Variants in FABP6 observed in about 807,000 individuals in gnomAD.
FABP6 encodes the protein gastrotropin.
Under a neutral mutation model 14.9 loss-of-function variants are expected in FABP6, and 13 were observed. That is an observed-to-expected ratio of 0.87 (90% CI 0.57 to 1.39). FABP6 has a LOEUF of 1.39. Among genes scored for constraint, FABP6 ranks in the 40% most tolerant of loss-of-function variants. FABP6 has a pLI of 0.00. For missense variants in FABP6, 161 were observed against 167.2 expected (o/e 0.96, Z 0.20); for synonymous variants, 75 against 63.6 (o/e 1.18, Z -0.85).
upstream of FABP6, chr5:160,229,315 C>T (rs1017199051): frequency 4.3e-5 from 35 of 805,028 alleles, no homozygotes; most frequent in Non-Finnish European, 6.2e-5. Context: ...CATCCTGACC[C>T]TGCTGGCAAT....
chr5:160,235,538 G>A (rs375220094), intron 3 of FABP6, among the ~76,000 whole-genome samples: 5 of 152,180 alleles, frequency 3.3e-5, no homozygotes, highest in African/African-American at 4.8e-5. Context: ...TTGCTTTCCC[G>A]TGGGTCTCCA....
chr5:160,188,539 G>A (rs1202808737), intron 1 of FABP6, among the ~76,000 whole-genome samples: 2 of 152,134 alleles, frequency 1.3e-5, no homozygotes, highest in Non-Finnish European at 2.9e-5. Flanking sequence ...GCTGGGGAGA[G>A]GCCGCCGCCG....
In FABP6 at chr5:160,238,708, A is replaced by G. The variant is rs1340972305; in HGVS notation, c.*49A>G. 7 of 1,573,648 alleles carry G rather than the reference A, an allele frequency of 4.4e-6. No individual in the cohort carries two copies. Among genetic ancestry groups the G allele is most frequent in the African/African-American group, 4.0e-5 (3 of 74,214 alleles). ...CTACAAACCCACCAATAAAACTGAT[A>G]TAAGGACAGACGCTGCTCGCTCCAG... On this transcript the variant is annotated 3_prime_UTR_variant, in exon 4 of 4. Transcript: ENST00000402432.
chr5:160,200,378 G>A (rs1322633232), intron 2 of FABP6, among the ~76,000 whole-genome samples: 3 of 151,788 alleles, frequency 2.0e-5, no homozygotes, highest in African/African-American at 7.3e-5. Context: ...GCAGGGAACA[G>A]CAGAGGATGC....
chr5:160,229,253 G>A (rs1021884049), upstream of FABP6, among the ~76,000 whole-genome samples: 5 of 152,130 alleles, frequency 3.3e-5, no homozygotes, highest in Admixed American at 1.3e-4. Context: ...CAGGGCATGC[G>A]GGAACGGAGG....
At chr5:160,226,187 T>A (rs6898873), upstream of FABP6, among the ~76,000 whole-genome samples, 22,729 of 151,628 alleles carry the variant, frequency 0.15, 1,810 homozygotes, top group Middle Eastern at 0.2. Context: ...ATAAATTAAT[T>A]AATTAATAAA....
intron 2 of FABP6, among the ~76,000 whole-genome samples, chr5:160,210,370 C>G (rs544269661): frequency 1.3e-5 from 2 of 152,310 alleles, no homozygotes; most frequent in Non-Finnish European, 2.9e-5. Flanking sequence ...GATAACCTAT[C>G]AGTGACTGCT....
At chr5:160,197,865 TCTGTCC>T (rs1249887839) in intron 1 of FABP6, 1 of 152,566 alleles carries the variant, frequency 6.6e-6, no homozygotes, top group African/African-American at 2.4e-5. Flanking sequence ...GCTCCTCTGC[TCTGTCC>T]CTGGAGACCG....
At chr5:160,194,707 C>T (rs1759475955) in intron 1 of FABP6, among the ~76,000 whole-genome samples, 1 of 152,116 alleles carries the variant, frequency 6.6e-6, no homozygotes, top group Non-Finnish European at 1.5e-5. Flanking sequence ...CCAGTGTCCA[C>T]CTCCTTACCT....
chr5:160,222,315 A>G (rs149213496), intron 3 of FABP6, among the ~76,000 whole-genome samples: 50 of 151,624 alleles, frequency 3.3e-4, no homozygotes, highest in African/African-American at 1.2e-3. Flanking sequence ...GTCTCTTCCT[A>G]CATTTTCTTT....
At chr5:160,188,730 C>A (rs1438263535) in intron 1 of FABP6, among the ~76,000 whole-genome samples, 1 of 152,242 alleles carries the variant, frequency 6.6e-6, no homozygotes, top group Non-Finnish European at 1.5e-5. Flanking sequence ...CAGATTGCCT[C>A]CTGTCTCTGG....
At chr5:160,238,500 C>A in intron 3 of FABP6, 106 bp from the exon 4 acceptor site, 1 of 946,200 alleles carries the variant, frequency 1.1e-6, no homozygotes, top group Non-Finnish European at 1.7e-6. Context: ...GCGCCTGACT[C>A]TTATCTACTC....
At chr5:160,210,134 G>C in intron 2 of FABP6, among the ~76,000 whole-genome samples, 1 of 152,100 alleles carries the variant, frequency 6.6e-6, no homozygotes, top group Middle Eastern at 3.4e-3. Context: ...ATGTGATCTA[G>C]GTGGAAGCAT....
upstream of FABP6, chr5:160,228,598 A>G (rs1760302269): frequency 2.2e-5 from 10 of 452,916 alleles, no homozygotes; most frequent in Non-Finnish European, 4.0e-5. Flanking sequence ...AACCCCTTCC[A>G]GCTCTGAAGC....
chr5:160,193,329 G>C (rs1017964315), intron 1 of FABP6, among the ~76,000 whole-genome samples: 1 of 152,210 alleles, frequency 6.6e-6, no homozygotes, highest in East Asian at 1.9e-4. Flanking sequence ...AGACTTTCAC[G>C]GTAAGTGTTA....
At chr5:160,237,171 G>C (rs1760535315) in intron 3 of FABP6, among the ~76,000 whole-genome samples, 1 of 152,074 alleles carries the variant, frequency 6.6e-6, no homozygotes, top group African/African-American at 2.4e-5. Flanking sequence ...AAGCTCCCCA[G>C]CCTGTGAGGT....
intron 1 of FABP6, among the ~76,000 whole-genome samples, chr5:160,190,972 C>A (rs1759381969): frequency 1.3e-5 from 2 of 148,572 alleles, no homozygotes; most frequent in South Asian, 4.2e-4. Context: ...AAAAAATTAG[C>A]CAGCGTGGTG....
chr5:160,237,549 C>T (rs937754323), intron 3 of FABP6, among the ~76,000 whole-genome samples: 2 of 152,028 alleles, frequency 1.3e-5, no homozygotes, highest in African/African-American at 4.8e-5. Flanking sequence ...TCCTGCCTTC[C>T]GCCACCAGCA....
At chr5:160,223,862 G>T (rs1392600937) in intron 3 of FABP6, among the ~76,000 whole-genome samples, 2 of 151,650 alleles carry the variant, frequency 1.3e-5, no homozygotes, top group African/African-American at 2.4e-5. Flanking sequence ...CACTTTGGGA[G>T]GCCAAGGTGG....
Sources: allele counts gnomAD v4.1 joint callset (sites outside exome capture counted in the v4.1 genomes callset), GRCh38; gene constraint gnomAD v4.1.1; transcripts MANE v1.5; gene names NCBI Gene and HGNC (gene_info 2026-07-23, HGNC 2026-07-21).